Variants in DCC observed in about 807,000 individuals in gnomAD.
DCC encodes DCC netrin 1 receptor, also known as netrin receptor DCC.
A neutral mutation model predicts 172.5 loss-of-function variants in DCC; 58 were observed. That is an observed-to-expected ratio of 0.34 (90% CI 0.27 to 0.42). The LOEUF (loss-of-function observed/expected upper bound fraction) is 0.42. Among genes scored for constraint, DCC ranks in the 10% least tolerant of loss-of-function variants. DCC has a pLI of 1.00. For synonymous variants in DCC, 709 were observed against 644.5 expected (o/e 1.10, Z -1.52); for missense variants, 1,740 against 1,791.0 (o/e 0.97, Z 0.51).
intron 5 of DCC, among the ~76,000 whole-genome samples, chr18:52,943,700 T>G (rs1198695609): frequency 6.6e-6 from 1 of 151,572 alleles, no homozygotes; most frequent in Non-Finnish European, 1.5e-5. Context: ...TGAGTTTATG[T>G]TGTAAATTGT....
intron 1 of DCC, among the ~76,000 whole-genome samples, chr18:52,607,163 T>G (rs1396850860): frequency 6.6e-6 from 1 of 152,120 alleles, no homozygotes; most frequent in Non-Finnish European, 1.5e-5. Context: ...CTAGGATCAT[T>G]TCATGCTGCC....
intron 25 of DCC, among the ~76,000 whole-genome samples, chr18:53,470,743 G>A (rs1262746241): frequency 6.6e-6 from 1 of 152,042 alleles, no homozygotes; most frequent in African/African-American, 2.4e-5. Flanking sequence ...GAGAAAAAAC[G>A]AAGGGGGAAG....
intron 1 of DCC, among the ~76,000 whole-genome samples, chr18:52,539,885 A>C (rs528886974): frequency 2.9e-4 from 44 of 152,316 alleles, no homozygotes; most frequent in Non-Finnish European, 5.7e-4. Flanking sequence ...TTTGTCAATT[A>C]AAAATAAACA....
At chr18:53,000,251 A>G (rs2041543457) in intron 5 of DCC, among the ~76,000 whole-genome samples, 1 of 152,098 alleles carries the variant, frequency 6.6e-6, no homozygotes, top group Admixed American at 6.6e-5. Flanking sequence ...TCTAGGTAAG[A>G]TATTTGATAA....
chr18:52,570,958 T>C (rs2033278313), intron 1 of DCC, among the ~76,000 whole-genome samples: 1 of 152,192 alleles, frequency 6.6e-6, no homozygotes, highest in African/African-American at 2.4e-5. Flanking sequence ...TTTAGCTTAC[T>C]TTAGGGGTTA....
intron 1 of DCC, among the ~76,000 whole-genome samples, chr18:52,592,010 AG>A (rs1310239625): frequency 6.6e-6 from 1 of 152,054 alleles, no homozygotes; most frequent in Non-Finnish European, 1.5e-5. Flanking sequence ...AATTGGTAAT[AG>A]TCTTATATTA....
chr18:52,417,177 CTTT>C (rs1034119843), intron 1 of DCC, among the ~76,000 whole-genome samples: 32 of 152,046 alleles, frequency 2.1e-4, no homozygotes, highest in Non-Finnish European at 4.0e-4. Flanking sequence ...AAATTCTTTT[CTTT>C]AAGAATGTTG....
chr18:53,376,315 C>T (rs1450402441), intron 15 of DCC, among the ~76,000 whole-genome samples: 8 of 152,118 alleles, frequency 5.3e-5, no homozygotes, highest in Middle Eastern at 6.8e-3. Flanking sequence ...ACCTAGGAGG[C>T]GGAGGTTGCA....
intron 12 of DCC, among the ~76,000 whole-genome samples, chr18:53,252,340 A>C (rs551186356): frequency 6.6e-6 from 1 of 152,102 alleles, no homozygotes; most frequent in Non-Finnish European, 1.5e-5. Flanking sequence ...AAATAGAGTT[A>C]AGAAAAAGAA....
At position 52,676,134 on chromosome 18, in the gene DCC, T is replaced by C. The variant is rs542431215; in HGVS notation, c.92-75920T>C. ...GTTTAAGTCTAGCTAGATTCAACAA[T>C]GGAACAGGAAACAGGAAGACTCCAC... On this transcript the variant is annotated intron_variant, in intron 1 of 28. Coordinates refer to ENST00000442544, the MANE Select transcript of DCC (RefSeq NM_005215.4). Among the ~76,000 whole-genome samples the C allele has an allele frequency of 5.9e-5, 9 of 152,302 alleles. No individual in the cohort carries two copies. In the East Asian group the frequency reaches 1.7e-3, roughly 29 times the overall value.
intron 1 of DCC, among the ~76,000 whole-genome samples, chr18:52,712,434 A>G (rs564790129): frequency 6.6e-6 from 1 of 152,348 alleles, no homozygotes; most frequent in East Asian, 1.9e-4. Flanking sequence ...AGCAATTTAC[A>G]TGCATTAGCT....
At chr18:52,926,755 T>C (rs1316721776) in intron 5 of DCC, among the ~76,000 whole-genome samples, 2 of 149,974 alleles carry the variant, frequency 1.3e-5, no homozygotes, top group Admixed American at 6.6e-5. Context: ...CAAATACTGA[T>C]TTCTGGGGAT....
intron 5 of DCC, among the ~76,000 whole-genome samples, chr18:52,963,159 G>T (rs1291686605): frequency 6.6e-6 from 1 of 151,542 alleles, no homozygotes; most frequent in Non-Finnish European, 1.5e-5. Flanking sequence ...AAAATTTGGA[G>T]CCAATTTGAG....
chr18:52,848,799 T>C (rs1568143661), intron 2 of DCC, among the ~76,000 whole-genome samples: 1 of 152,198 alleles, frequency 6.6e-6, no homozygotes, highest in Non-Finnish European at 1.5e-5. Flanking sequence ...TGTTAAGTGA[T>C]TTTTAGACTT....
Position 53,274,622 on chromosome 18 carries a change from C to G in DCC, c.1912-30956C>G, listed in dbSNP as rs571018117. Among the ~76,000 whole-genome samples the G allele has an allele frequency of 2.6e-5, 4 of 152,122 alleles. No homozygotes were observed. The South Asian group carries it at 8.3e-4, about 32-fold the overall frequency. The stretch of plus-strand genomic sequence containing the variant: ...TAGAATTAGATTGGTTTTTTAGAAG[C>G]AAGATTTTCAGGGAAATAAGGAGGA... On this transcript the variant is annotated intron_variant, in intron 12 of 28. Transcript: ENST00000442544.
intron 7 of DCC, among the ~76,000 whole-genome samples, chr18:53,126,954 T>C (rs2043566077): frequency 6.6e-6 from 1 of 152,106 alleles, no homozygotes; most frequent in African/African-American, 2.4e-5. Flanking sequence ...GTTTATGCAA[T>C]TTAAGGACAC....
At chr18:52,765,847 C>T (rs8095680) in intron 2 of DCC, among the ~76,000 whole-genome samples, 31,504 of 152,022 alleles carry the variant, frequency 0.21, 4,642 homozygotes, top group African/African-American at 0.42. Flanking sequence ...TTGGGACAAC[C>T]ATGGAAACGT....
At chr18:52,359,043 G>T (rs573338882) in intron 1 of DCC, among the ~76,000 whole-genome samples, 6 of 152,256 alleles carry the variant, frequency 3.9e-5, no homozygotes, top group African/African-American at 1.4e-4. Context: ...CTCTACATAT[G>T]ACTTAGATTC....
At chr18:52,579,315 G>C (rs533948994) in intron 1 of DCC, among the ~76,000 whole-genome samples, 2 of 152,196 alleles carry the variant, frequency 1.3e-5, no homozygotes, top group African/African-American at 2.4e-5. Flanking sequence ...TTATAAGAAG[G>C]CTCCTTTGGA....
Sources: gnomAD v4.1 joint callset for allele counts (sites outside exome capture counted in the v4.1 genomes callset) on GRCh38, gnomAD v4.1.1 for gene constraint, MANE v1.5 for transcripts, NCBI Gene and HGNC (gene_info 2026-07-23, HGNC 2026-07-21) for gene names.